The following EMSY variants were observed in gnomAD, a reference collection of about 807,000 sequenced individuals.
EMSY encodes the protein EMSY transcriptional repressor, BRCA2 interacting.
A neutral mutation model predicts 134.6 loss-of-function variants in EMSY; 26 were observed. The observed-to-expected ratio is 0.19, with a 90% CI of 0.14 to 0.27. The LOEUF (loss-of-function observed/expected upper bound fraction) is 0.27, where lower values mean the gene tolerates loss of function less well. Among genes scored for constraint, EMSY ranks in the 10% least tolerant of loss-of-function variants. EMSY has a pLI of 1.00. For missense variants in EMSY, 1,305 were observed against 1,611.4 expected, an observed-to-expected ratio of 0.81 and a Z score of 3.26; for synonymous variants, 579 against 577.8, an observed-to-expected ratio of 1.00 and a Z score of -0.03.
chr11:76,521,839 G>A (rs746267894), intron 11 of EMSY, among the ~76,000 whole-genome samples: 3 of 151,488 alleles, frequency 2.0e-5, no homozygotes, highest in Non-Finnish European at 4.4e-5. Context: ...GCTGAGGCAG[G>A]AGGATCACTT....
chr11:76,547,557 G>A (rs1348106830), intron 20 of EMSY, among the ~76,000 whole-genome samples: 2 of 152,122 alleles, frequency 1.3e-5, no homozygotes, highest in Non-Finnish European at 2.9e-5. Context: ...TTTTGCCTTG[G>A]ATTTCTCATC....
intron 4 of EMSY, among the ~76,000 whole-genome samples, chr11:76,455,523 CT>C (rs1590782037): frequency 6.6e-6 from 1 of 152,124 alleles, no homozygotes; most frequent in East Asian, 1.9e-4. Context: ...AGGAATGCGC[CT>C]GAACTGACTG....
intron 3 of EMSY, among the ~76,000 whole-genome samples, chr11:76,452,866 C>A (rs1453584714): frequency 6.6e-6 from 1 of 152,068 alleles, no homozygotes; most frequent in Non-Finnish European, 1.5e-5. Context: ...TTATTATATT[C>A]ATTGAACATT....
At chr11:76,488,322 C>T (rs1474872259) in intron 8 of EMSY, among the ~76,000 whole-genome samples, 1 of 152,102 alleles carries the variant, frequency 6.6e-6, no homozygotes, top group African/African-American at 2.4e-5. Context: ...AAAAATTAGC[C>T]AGGCGTGGTG....
intron 11 of EMSY, among the ~76,000 whole-genome samples, chr11:76,518,705 T>TATATATATA (rs1406438858): frequency 0.022 from 1,807 of 80,516 alleles, 11 homozygotes; most frequent in Middle Eastern, 0.044. Flanking sequence ...ATATATATAT[T>TATATATATA]TTTTTTTTAA....
chr11:76,542,449 G>A (rs1479038669), intron 18 of EMSY, 82 bp downstream of exon 19: 3 of 1,509,822 alleles, frequency 2.0e-6, no homozygotes, highest in East Asian at 4.5e-5. Context: ...TATTTTAAGA[G>A]GAGAAATAAT....
At chr11:76,447,145 CATT>C (rs926349951) in intron 2 of EMSY, 137 bp downstream of exon 2, 16 of 775,620 alleles carry the variant, frequency 2.1e-5, no homozygotes, top group East Asian at 1.7e-4. Context: ...CCATCTTACT[CATT>C]GTTGTTTCCC....
At chr11:76,512,651 G>C (rs1183192946) in intron 9 of EMSY, among the ~76,000 whole-genome samples, 1 of 148,994 alleles carries the variant, frequency 6.7e-6, no homozygotes, top group Admixed American at 6.7e-5. Flanking sequence ...TGGGAAAAGG[G>C]TTAAAAGAAT....
chr11:76,454,698 C>G, intron 4 of EMSY, 51 bp from the exon 5 acceptor site: 1 of 1,251,486 alleles, frequency 8.0e-7, no homozygotes, highest in Non-Finnish European at 1.1e-6. Context: ...CAGTTTCATA[C>G]TTAAAGGATA....
intron 8 of EMSY, among the ~76,000 whole-genome samples, chr11:76,491,151 G>A (rs1420679417): frequency 1.3e-5 from 2 of 149,504 alleles, no homozygotes; most frequent in Non-Finnish European, 3.0e-5. Flanking sequence ...TCTTACCTCA[G>A]CTCAGCTGAT....
At chr11:76,495,270 G>A (rs1473644387) in intron 8 of EMSY, among the ~76,000 whole-genome samples, 1 of 152,106 alleles carries the variant, frequency 6.6e-6, no homozygotes, top group African/African-American at 2.4e-5. Flanking sequence ...GTGAGGATGT[G>A]GTAGAGAAAG....
chr11:76,537,661 T>C, intron 15 of EMSY, 134 bp from the exon 17 acceptor site: 1 of 741,142 alleles, frequency 1.3e-6, no homozygotes, highest in Non-Finnish European at 2.1e-6. Flanking sequence ...TGCTTTTTTC[T>C]TTTCAATTCA....
At chr11:76,537,811 A>C (rs751736689) in exon 16 of EMSY, 2 of 1,601,010 alleles carry the variant, frequency 1.2e-6, no homozygotes, top group South Asian at 2.3e-5. Context: ...AAAAATTGGA[A>C]TCTAAACCAA....
At chr11:76,519,777 A>C (rs1950580396) in intron 11 of EMSY, among the ~76,000 whole-genome samples, 1 of 152,214 alleles carries the variant, frequency 6.6e-6, no homozygotes, top group Non-Finnish European at 1.5e-5. Context: ...TTTTTAAAAA[A>C]TAAGAATGCC....
intron 14 of EMSY, 137 bp from the exon 16 acceptor site, chr11:76,535,758 G>A (rs1409319326): frequency 3.2e-6 from 2 of 617,536 alleles, no homozygotes; most frequent in Non-Finnish European, 2.4e-6. Flanking sequence ...GGGGCTTATA[G>A]TCTTCTTGGG....
Position 76,528,759 on chromosome 11 carries a change from T to C in EMSY, c.2194+293T>C, listed in dbSNP as rs184207882. Among the ~76,000 whole-genome samples the C allele has an allele frequency of 2.1e-3, 314 of 152,248 alleles. 1 individual carries two copies. The highest frequency in any genetic ancestry group is 7.2e-3 in the African/African-American group (299 of 41,564). On this transcript the variant is annotated intron_variant, in intron 14 of 20. Coordinates refer to ENST00000334736, the Ensembl canonical transcript of EMSY. Reference sequence around the variant, plus strand: ...GGATAGAGTTATGATTCCCAGATGGTAATTTTCATATTCTTCCTCTCTGGT... The same window carrying C: ...GGATAGAGTTATGATTCCCAGATGGCAATTTTCATATTCTTCCTCTCTGGT...
intron 8 of EMSY, among the ~76,000 whole-genome samples, chr11:76,478,798 A>C (rs1419032072): frequency 6.7e-6 from 1 of 149,974 alleles, no homozygotes; most frequent in Non-Finnish European, 1.5e-5. Context: ...TAATTTATTA[A>C]ATTTATTATA....
chr11:76,445,970 G>A (rs1947371126), intron 1 of EMSY, among the ~76,000 whole-genome samples: 1 of 152,178 alleles, frequency 6.6e-6, no homozygotes, highest in Admixed American at 6.5e-5. Context: ...CACAGAGTTG[G>A]AGTTAGCAGC....
At chr11:76,539,696 G>C in intron 17 of EMSY, 56 bp downstream of exon 18, 3 of 1,547,952 alleles carry the variant, frequency 1.9e-6, no homozygotes, top group Non-Finnish European at 1.8e-6. Context: ...GATTGTTTTG[G>C]GGGGAACCGC....
Sources: allele counts gnomAD v4.1 joint callset (sites outside exome capture counted in the v4.1 genomes callset), GRCh38; gene constraint gnomAD v4.1.1; transcripts MANE v1.5; gene names NCBI Gene and HGNC (gene_info 2026-07-23, HGNC 2026-07-21).